DDX46: variants seen among roughly 807,000 people sequenced by gnomAD.
DDX46 encodes the protein probable ATP-dependent RNA helicase DDX46.
A neutral mutation model predicts 134.9 loss-of-function variants in DDX46; 30 were observed. That is an observed-to-expected ratio of 0.22 (90% CI 0.17 to 0.30). The LOEUF (loss-of-function observed/expected upper bound fraction) is 0.30. DDX46 is among the 10% of genes least tolerant of loss of function. The pLI is 1.00. For missense variants in DDX46, 622 were observed against 1,248.7 expected (o/e 0.50, Z 7.56); for synonymous variants, 415 against 404.1 (o/e 1.03, Z -0.32).
In DDX46 at chr5:134,795,029, T is replaced by G. The variant is rs1561864648; in HGVS notation, c.1791+15T>G. The G allele has an allele frequency of 6.2e-7, 1 of 1,611,682 alleles. No individual in the cohort carries two copies. The highest frequency in any genetic ancestry group is 1.3e-5 in the African/African-American group (1 of 74,912). ...AGCAACAAGTGGTGGGTACCATCTT[T>G]AGGAAATTCCCAGTTTCCTTGATAC... On this transcript the variant is annotated intron_variant, in intron 14 of 22. Coordinates refer to ENST00000452510, the MANE Select transcript of DDX46 (RefSeq NM_001300860.2).
intron 13 of DDX46, 110 bp downstream of exon 13, chr5:134,790,662 G>A (rs1204220356): frequency 2.2e-6 from 2 of 897,344 alleles, no homozygotes; most frequent in Non-Finnish European, 3.4e-6. Context: ...CTTTTCTGTT[G>A]CACGGTAATA....
chr5:134,805,931 C>T (rs1431283443), intron 15 of DDX46, among the ~76,000 whole-genome samples: 1 of 152,020 alleles, frequency 6.6e-6, no homozygotes, highest in East Asian at 1.9e-4. Flanking sequence ...ATAAAGACAT[C>T]CTAAAGGCCA....
At chr5:134,769,326 G>GTTTT (rs1561851828) in intron 3 of DDX46, among the ~76,000 whole-genome samples, 1 of 135,320 alleles carries the variant, frequency 7.4e-6, no homozygotes, top group African/African-American at 2.9e-5. Context: ...ATATTTTCAA[G>GTTTT]GTTTTTTTTT....
chr5:134,773,142 G>A (rs1753825671), intron 4 of DDX46, among the ~76,000 whole-genome samples: 1 of 151,960 alleles, frequency 6.6e-6, no homozygotes, highest in Admixed American at 6.6e-5. Context: ...TCCCTTTGTT[G>A]CTGAGGCTGA....
At chr5:134,783,863 T>TTTA (rs1333128028) in intron 9 of DDX46, among the ~76,000 whole-genome samples, 5 of 151,044 alleles carry the variant, frequency 3.3e-5, no homozygotes, top group Non-Finnish European at 7.4e-5. Flanking sequence ...TTTTTTTTTT[T>TTTA]TTTAAGAGAT....
At chr5:134,784,599 GACCTTATA>G in intron 10 of DDX46, 58 bp downstream of exon 10, 1 of 1,497,104 alleles carries the variant, frequency 6.7e-7, no homozygotes, top group South Asian at 1.4e-5. Flanking sequence ...CAAACAGAAA[GACCTTATA>G]GTTTATAATG....
chr5:134,767,219 A>G (rs1217542696), intron 3 of DDX46, among the ~76,000 whole-genome samples, 159 bp downstream of exon 3: 1 of 152,058 alleles, frequency 6.6e-6, no homozygotes, highest in Non-Finnish European at 1.5e-5. Context: ...AATTGGCTAT[A>G]ATGTTTATAA....
rs1038096415 is a variant in DDX46 at position 134,828,732 on chromosome 5, G to A, written c.*26G>A. 9 of 1,471,430 alleles carry A rather than the reference G, an allele frequency of 6.1e-6. No individual in the cohort carries two copies. The African/African-American group carries it at 1.3e-4, about 21-fold the overall frequency. 91.1% of individuals were successfully genotyped at this position (1,471,430 alleles called of 1,614,324 possible). A position where few individuals can be genotyped will look rare whatever the true frequency, so the allele number is the denominator to read the frequency against. On this transcript the variant is annotated 3_prime_UTR_variant, in exon 23 of 23. Transcript: ENST00000452510. Reference sequence around the variant, plus strand: ...ACATCCGGAAAAAAGATTTTTACCTGTGCTGGTCTATGATGTATGTGGCAG... The same window carrying A: ...ACATCCGGAAAAAAGATTTTTACCTATGCTGGTCTATGATGTATGTGGCAG...
At chr5:134,762,453 A>T (rs535219260) in intron 1 of DDX46, among the ~76,000 whole-genome samples, 1 of 152,060 alleles carries the variant, frequency 6.6e-6, no homozygotes, top group East Asian at 1.9e-4. Flanking sequence ...AAAAGGCTGC[A>T]TGCGGTGGCT....
chr5:134,775,796 A>G (rs1372914315), intron 5 of DDX46, among the ~76,000 whole-genome samples: 1 of 152,156 alleles, frequency 6.6e-6, no homozygotes, highest in Non-Finnish European at 1.5e-5. Context: ...CCAGCCAAGT[A>G]GTCGTGATGT....
intron 15 of DDX46, 52 bp downstream of exon 15, chr5:134,796,202 C>T: frequency 1.3e-6 from 2 of 1,580,524 alleles, no homozygotes; most frequent in Non-Finnish European, 1.7e-6. Flanking sequence ...ACTTGCCAAG[C>T]ATTGTGCTGT....
At chr5:134,822,888 A>G (rs970963465) in intron 21 of DDX46, among the ~76,000 whole-genome samples, 1 of 152,048 alleles carries the variant, frequency 6.6e-6, no homozygotes, top group Non-Finnish European at 1.5e-5. Flanking sequence ...AGACCTGTAC[A>G]TCTTCATACA....
intron 15 of DDX46, among the ~76,000 whole-genome samples, chr5:134,801,403 T>G (rs1306383586): frequency 2.0e-5 from 3 of 152,290 alleles, no homozygotes; most frequent in Admixed American, 1.3e-4. Flanking sequence ...ATTTATTTAT[T>G]TTTTTCCTTG....
chr5:134,764,296 T>C (rs368910909), intron 2 of DDX46, among the ~76,000 whole-genome samples: 3 of 151,994 alleles, frequency 2.0e-5, no homozygotes, highest in African/African-American at 7.2e-5. Flanking sequence ...TTTTTAATCT[T>C]TTTTGAGACA....
chr5:134,788,719 G>A, intron 12 of DDX46, 128 bp downstream of exon 12: 1 of 786,070 alleles, frequency 1.3e-6, no homozygotes, highest in Non-Finnish European at 2.0e-6. Flanking sequence ...CTTAAAATTT[G>A]TAGCCTGTAG....
chr5:134,824,179 A>G (rs763839930), intron 21 of DDX46, among the ~76,000 whole-genome samples: 3 of 152,192 alleles, frequency 2.0e-5, no homozygotes, highest in South Asian at 4.1e-4. Context: ...GGTTCTGGTC[A>G]TTTGTCTCCA....
chr5:134,787,587 A>G (rs944439432), intron 11 of DDX46, among the ~76,000 whole-genome samples: 3 of 152,212 alleles, frequency 2.0e-5, no homozygotes, highest in Non-Finnish European at 4.4e-5. Context: ...TCATGACTGT[A>G]GTTTGTAGAA....
At chr5:134,823,471 A>C (rs947154690) in intron 21 of DDX46, among the ~76,000 whole-genome samples, 9 of 151,656 alleles carry the variant, frequency 5.9e-5, no homozygotes, top group African/African-American at 9.7e-5. Context: ...TGTTTTTCCC[A>C]CTCTACCATT....
chr5:134,812,455 TATC>T (rs1755173201), intron 18 of DDX46, among the ~76,000 whole-genome samples: 1 of 152,076 alleles, frequency 6.6e-6, no homozygotes, highest in Admixed American at 6.6e-5. Flanking sequence ...CTTTTGGACA[TATC>T]ATGTTAAACT....
Sources: gnomAD v4.1 joint callset for allele counts (sites outside exome capture counted in the v4.1 genomes callset) on GRCh38, gnomAD v4.1.1 for gene constraint, MANE v1.5 for transcripts, NCBI Gene and HGNC (gene_info 2026-07-23, HGNC 2026-07-21) for gene names.